CADPS: variants seen among roughly 807,000 people sequenced by gnomAD.
CADPS encodes calcium dependent secretion activator.
CADPS carries 57 observed loss-of-function variants against 167.3 expected under a neutral mutation model. The ratio of observed to expected loss-of-function variants is 0.34; its 90% CI spans 0.28 to 0.42. The LOEUF is 0.42. Ranked by LOEUF, CADPS falls within the 20% of genes least tolerant of loss-of-function variation. The pLI, the probability that CADPS is intolerant of heterozygous loss-of-function variation, is 1.00. For synonymous variants in CADPS, 676 were observed against 635.3 expected, an observed-to-expected ratio of 1.06 and a Z score of -0.96; for missense variants, 1,414 against 1,738.1, an observed-to-expected ratio of 0.81 and a Z score of 3.32.
rs1269982441 is a variant in CADPS, at chr3:62,478,220, T to C, written c.3329+41A>G. ...TACCCTTCCCTGAGTCTGTGTATGG[T>C]GGGGAGGGTGTGCAGAACCTGTCCA... On this transcript the variant is annotated intron_variant, in intron 23 of 29. Coordinates refer to ENST00000383710, the MANE Select transcript of CADPS (RefSeq NM_003716.4). This position sits in a 1 kb window ranked among gnomAD's most constrained non-coding sequence, Gnocchi z 5.7. 6.2e-7 allele frequency: 1 copy of C among 1,604,778 alleles called. No individual in the cohort carries two copies. Among genetic ancestry groups the C allele is most frequent in the African/African-American group, 1.3e-5 (1 of 74,708 alleles).
At chr3:62,576,170 C>T (rs563275632) in intron 8 of CADPS, among the ~76,000 whole-genome samples, 39 of 152,198 alleles carry the variant, frequency 2.6e-4, no homozygotes, top group African/African-American at 8.2e-4. Context: ...TCAAGCTGTC[C>T]GGGTATGTGG....
rs1016998031 is a variant in CADPS at position 62,555,710 on chromosome 3, G to A, written c.1753+1695C>T. Among the ~76,000 whole-genome samples the A allele has an allele frequency of 5.3e-5, 8 of 152,066 alleles. No individual in the cohort carries two copies. The East Asian group carries it at 5.8e-4, about 11-fold the overall frequency. On this transcript the variant is annotated intron_variant, in intron 10 of 29. Coordinates refer to ENST00000383710, the MANE Select transcript of CADPS (RefSeq NM_003716.4). ...TCCCTTCTCATATTGGCCCTTTAGCGTCCCATTTTATGTTTAAAAATTTAT... is the reference window on the plus strand; with the variant it reads ...TCCCTTCTCATATTGGCCCTTTAGCATCCCATTTTATGTTTAAAAATTTAT...
At chr3:62,865,887 A>G (rs1248354535) in intron 1 of CADPS, among the ~76,000 whole-genome samples, 1 of 152,050 alleles carries the variant, frequency 6.6e-6, no homozygotes, top group Non-Finnish European at 1.5e-5. Flanking sequence ...AGAGAAAATG[A>G]GCACATTTAT....
intron 8 of CADPS, among the ~76,000 whole-genome samples, chr3:62,573,281 A>G (rs2081625347): frequency 1.3e-5 from 2 of 152,062 alleles, no homozygotes; most frequent in Admixed American, 6.6e-5. Flanking sequence ...TTTTATTCAC[A>G]TTATTTTTTA....
chr3:62,854,391 C>T (rs1378247916), intron 1 of CADPS, among the ~76,000 whole-genome samples: 7 of 152,098 alleles, frequency 4.6e-5, no homozygotes, highest in African/African-American at 1.2e-4. Context: ...TTTGCTCTAT[C>T]GTTTCAAATA....
At chr3:62,461,333 A>G (rs2059326107) in intron 26 of CADPS, among the ~76,000 whole-genome samples, 1 of 152,218 alleles carries the variant, frequency 6.6e-6, no homozygotes, top group African/African-American at 2.4e-5. Flanking sequence ...TTAAAAGCCA[A>G]GATGTGGTAC....
At chr3:62,510,545 A>C (rs1299612135) in intron 17 of CADPS, among the ~76,000 whole-genome samples, 1 of 152,154 alleles carries the variant, frequency 6.6e-6, no homozygotes, top group Non-Finnish European at 1.5e-5. Flanking sequence ...AGGCTTTTGC[A>C]TCTTTTTTTG....
chr3:62,710,994 C>A (rs2083297223), intron 3 of CADPS, among the ~76,000 whole-genome samples: 1 of 152,112 alleles, frequency 6.6e-6, no homozygotes, highest in South Asian at 2.1e-4. Context: ...CCCCAGAAGC[C>A]AGTCACTGTT....
In CADPS at chr3:62,478,329, C is replaced by G. The variant is rs770971642; in HGVS notation, c.3261G>C (p.Glu1087Asp). 4 of 1,613,898 alleles carry G rather than the reference C, an allele frequency of 2.5e-6. No homozygotes were observed. Among genetic ancestry groups the G allele is most frequent in the Non-Finnish European group, 2.5e-6 (3 of 1,179,832 alleles). The change falls in exon 23 of 30, where the codon GAG becomes GAC. Residue 1087 changes from glutamate (E) to aspartate (D), a missense_variant. Transcript: ENST00000383710. This position sits in a 1 kb window ranked among gnomAD's most constrained non-coding sequence, Gnocchi z 5.7. ...GCCGTTGTTCCAGGTGCTTTCCAAACTCTTCTTCAGGCCAGTGCAGGTCCC... is the reference window on the plus strand; with the variant it reads ...GCCGTTGTTCCAGGTGCTTTCCAAAGTCTTCTTCAGGCCAGTGCAGGTCCC... ...FIRDLHWPEE[E>D]FGKHLEQRLK...
chr3:62,586,712 T>C (rs1488311353), intron 7 of CADPS, among the ~76,000 whole-genome samples: 1 of 152,230 alleles, frequency 6.6e-6, no homozygotes, highest in Admixed American at 6.5e-5. Flanking sequence ...ACAGAGGCTG[T>C]CAATGTTTTT....
At position 62,547,590 on chromosome 3, in the gene CADPS, C is replaced by CCG. The variant is rs2076679496; in HGVS notation, c.1966+2312_1966+2313insCG. The stretch of plus-strand genomic sequence containing the variant: ...CCTAGGGATGATATCATTTACGCCC[C>CCG]CCCCCCCCCGCAAATTCTAACTCTT... On this transcript the variant is annotated intron_variant, in intron 11 of 29. Transcript: ENST00000383710. Among the ~76,000 whole-genome samples the CCG allele has an allele frequency of 6.3e-5, 6 of 94,920 alleles. 1 individual carries two copies. Among genetic ancestry groups the CCG allele is most frequent in the Admixed American group, 4.9e-4 (5 of 10,288 alleles). The allele number at this position is 94,920 out of a possible 152,430, so 62.3% of individuals were successfully genotyped here.
chr3:62,769,341 C>T (rs552095682), intron 1 of CADPS, among the ~76,000 whole-genome samples: 4 of 151,874 alleles, frequency 2.6e-5, no homozygotes, highest in South Asian at 2.1e-4. Context: ...AAGTGATTCT[C>T]GTGCCTCAGC....
At position 62,614,500 on chromosome 3, in the gene CADPS, C is replaced by T. The variant is rs2061963529; in HGVS notation, c.1326-21752G>A. ...TGAAAAGGCATCACACCTGGGCAAG[C>T]AGGAAGCTTACACACTAAAAGCGTA... On this transcript the variant is annotated intron_variant, in intron 6 of 29. Transcript: ENST00000383710. 1.3e-5 allele frequency among the ~76,000 whole-genome samples: 2 copies of T among 152,178 alleles called. 1 individual carries two copies. The highest frequency in any genetic ancestry group is 4.1e-4 in the South Asian group (2 of 4,832).
At chr3:62,459,272 C>T (rs1398909791) in intron 26 of CADPS, among the ~76,000 whole-genome samples, 2 of 152,198 alleles carry the variant, frequency 1.3e-5, no homozygotes, top group Admixed American at 6.5e-5. Flanking sequence ...ACAAACCCAG[C>T]TGGCTTATAA....
chr3:62,516,340 G>C (rs1319445983), intron 15 of CADPS, among the ~76,000 whole-genome samples, 158 bp from the exon 16 acceptor site: 1 of 152,138 alleles, frequency 6.6e-6, no homozygotes, highest in African/African-American at 2.4e-5. Context: ...CAAAGCATTG[G>C]CAAAGGCCGT....
chr3:62,619,110 C>A lies in CADPS; in HGVS notation c.1326-26362G>T, dbSNP rs143784673. 3.9e-3 allele frequency among the ~76,000 whole-genome samples: 590 copies of A among 152,336 alleles called. 7 individuals are homozygous for A. Among genetic ancestry groups the A allele is most frequent in the African/African-American group, 0.014 (566 of 41,578 alleles). On this transcript the variant is annotated intron_variant, in intron 6 of 29. Coordinates refer to ENST00000383710, the MANE Select transcript of CADPS (RefSeq NM_003716.4). ...CCTCTGTGGCTAATTTCATACTACACTGGTAGAGTTCAACAGTTGCAACTA... is the reference window on the plus strand; with the variant it reads ...CCTCTGTGGCTAATTTCATACTACAATGGTAGAGTTCAACAGTTGCAACTA...
At chr3:62,523,243 G>A (rs1422755313) in intron 13 of CADPS, among the ~76,000 whole-genome samples, 1 of 151,984 alleles carries the variant, frequency 6.6e-6, no homozygotes, top group Non-Finnish European at 1.5e-5. Flanking sequence ...ACCTTTGAGT[G>A]ACTAGTTATG....
At chr3:62,786,136 G>T (rs139671620) in intron 1 of CADPS, among the ~76,000 whole-genome samples, 2,746 of 152,090 alleles carry the variant, frequency 0.018, 53 homozygotes, top group Non-Finnish European at 0.031. Flanking sequence ...TCGCTTGAAC[G>T]TGGGAGGCAG....
intron 1 of CADPS, among the ~76,000 whole-genome samples, chr3:62,826,723 A>G (rs1420282967): frequency 6.6e-6 from 1 of 152,078 alleles, no homozygotes; most frequent in African/African-American, 2.4e-5. Context: ...ACGCTCTTAC[A>G]GTTTAAGTGA....
Sources: gnomAD v4.1 joint callset for allele counts (sites outside exome capture counted in the v4.1 genomes callset) on GRCh38, gnomAD v4.1.1 for gene constraint, Gnocchi (gnomAD v3.1) non-coding constraint, MANE v1.5 for transcripts, NCBI Gene and HGNC (gene_info 2026-07-23, HGNC 2026-07-21) for gene names.